PCDH7: variants seen among roughly 807,000 people sequenced by gnomAD.
PCDH7 encodes protocadherin 7.
In PCDH7, 17 loss-of-function variants were observed where a neutral mutation model predicts 58.9. The ratio of observed to expected loss-of-function variants is 0.29; its 90% CI spans 0.20 to 0.43. PCDH7 has a LOEUF of 0.43. Ranked by LOEUF, PCDH7 falls within the 20% of genes least tolerant of loss-of-function variation. PCDH7 has a pLI of 1.00. For synonymous variants in PCDH7, 664 were observed against 616.4 expected, an observed-to-expected ratio of 1.08 and a Z score of -1.14; for missense variants, 1,274 against 1,441.0, an observed-to-expected ratio of 0.88 and a Z score of 1.88.
At chr4:31,033,726 A>G (rs554477347) in intron 3 of PCDH7, among the ~76,000 whole-genome samples, 3 of 151,976 alleles carry the variant, frequency 2.0e-5, no homozygotes, top group Non-Finnish European at 4.4e-5. Flanking sequence ...TGCTTCCTAA[A>G]TTTCTCACCT....
chr4:30,847,625 CT>C (rs942315707), intron 1 of PCDH7, among the ~76,000 whole-genome samples: 31 of 151,986 alleles, frequency 2.0e-4, no homozygotes, highest in African/African-American at 6.0e-4. Context: ...TTTAGTGAAA[CT>C]TTTTTTTAAA....
At chr4:30,894,516 TACAC>T (rs55942705) in intron 1 of PCDH7, among the ~76,000 whole-genome samples, 932 of 31,998 alleles carry the variant, frequency 0.029, 33 homozygotes, top group African/African-American at 0.083. Context: ...TATATATATA[TACAC>T]ACACACACAC....
Position 31,115,770 on chromosome 4 carries a change from T to C in PCDH7, c.*8-26703T>C, listed in dbSNP as rs141589700. On this transcript the variant is annotated intron_variant, in intron 3 of 3. Transcript: ENST00000509759. ...GAATTTTAAAACATTTTAACAGAAGTAATTGGATCTCACACAACAGAAAAT... is the reference window on the plus strand; with the variant it reads ...GAATTTTAAAACATTTTAACAGAAGCAATTGGATCTCACACAACAGAAAAT... Among the ~76,000 whole-genome samples, 815 of 152,294 alleles carry C rather than the reference T, an allele frequency of 5.4e-3. 8 individuals are homozygous for C. The highest frequency in any genetic ancestry group is 0.018 in the African/African-American group (762 of 41,568).
At chr4:30,773,078 A>G (rs1247028270) in intron 1 of PCDH7, among the ~76,000 whole-genome samples, 1 of 152,094 alleles carries the variant, frequency 6.6e-6, no homozygotes, top group East Asian at 1.9e-4. Context: ...TAATTTTTGA[A>G]TGTTTGTAGA....
intron 1 of PCDH7, among the ~76,000 whole-genome samples, chr4:30,913,524 A>T (rs1742046250): frequency 6.6e-6 from 1 of 152,108 alleles, no homozygotes; most frequent in Non-Finnish European, 1.5e-5. Context: ...TTTTGAAAAA[A>T]AGGTACAGTT....
At chr4:31,083,040 G>A (rs1711781516) in intron 3 of PCDH7, among the ~76,000 whole-genome samples, 1 of 152,090 alleles carries the variant, frequency 6.6e-6, no homozygotes, top group Non-Finnish European at 1.5e-5. Context: ...CCTGGGAGGT[G>A]GAGCTTGCAA....
chr4:30,818,104 T>G (rs1727922057), intron 1 of PCDH7, among the ~76,000 whole-genome samples: 1 of 152,146 alleles, frequency 6.6e-6, no homozygotes, highest in African/African-American at 2.4e-5. Context: ...TCTTCCAAAT[T>G]TCCTCAGAGC....
chr4:30,956,190 G>A (rs1036876520), intron 3 of PCDH7, among the ~76,000 whole-genome samples: 13 of 151,478 alleles, frequency 8.6e-5, no homozygotes, highest in Admixed American at 3.3e-4. Flanking sequence ...CTCCAGCCTG[G>A]GCACTCCAGC....
At chr4:31,138,891 G>A (rs2109345317) in intron 3 of PCDH7, among the ~76,000 whole-genome samples, 1 of 151,496 alleles carries the variant, frequency 6.6e-6, no homozygotes, top group Admixed American at 6.6e-5. Flanking sequence ...CAGGAGAATC[G>A]CTTGAGCCTG....
intron 1 of PCDH7, chr4:30,884,660 A>G (rs75081340): frequency 1.1e-4 from 16 of 152,112 alleles, no homozygotes; most frequent in African/African-American, 3.9e-4. Flanking sequence ...CATGTGACGT[A>G]TGGGAATAAC....
intron 3 of PCDH7, among the ~76,000 whole-genome samples, chr4:31,000,109 A>G (rs1468575820): frequency 6.6e-6 from 1 of 152,102 alleles, no homozygotes; most frequent in Non-Finnish European, 1.5e-5. Context: ...TATTGAACAA[A>G]ATTATGTGCT....
intron 3 of PCDH7, among the ~76,000 whole-genome samples, chr4:30,967,144 A>G (rs545754546): frequency 1.3e-5 from 2 of 152,180 alleles, no homozygotes; most frequent in South Asian, 2.1e-4. Context: ...TTAAATCCAT[A>G]TAAGAATTGT....
chr4:30,769,145 T>A (rs1317479113), intron 1 of PCDH7, among the ~76,000 whole-genome samples: 1 of 152,212 alleles, frequency 6.6e-6, no homozygotes, highest in Non-Finnish European at 1.5e-5. Context: ...TGGATCTAGT[T>A]AAGTGTAGAT....
intron 1 of PCDH7, among the ~76,000 whole-genome samples, chr4:30,778,458 C>A (rs1722355390): frequency 6.6e-6 from 1 of 151,614 alleles, no homozygotes; most frequent in South Asian, 2.1e-4. Flanking sequence ...GGAAACATAC[C>A]CCCAAAATTT....
At chr4:30,952,973 C>A (rs1747514573) in intron 3 of PCDH7, among the ~76,000 whole-genome samples, 1 of 152,156 alleles carries the variant, frequency 6.6e-6, no homozygotes, top group Non-Finnish European at 1.5e-5. Flanking sequence ...ATAAAAGTAT[C>A]ACCTTATATC....
intron 2 of PCDH7, among the ~76,000 whole-genome samples, chr4:30,929,723 A>G (rs1432310766): frequency 6.6e-6 from 1 of 152,128 alleles, no homozygotes; most frequent in Non-Finnish European, 1.5e-5. Flanking sequence ...CTGATCCTCA[A>G]TGCTTAGCGT....
intron 3 of PCDH7, among the ~76,000 whole-genome samples, chr4:31,003,494 G>A (rs1194482549): frequency 2.6e-5 from 4 of 151,324 alleles, no homozygotes; most frequent in Non-Finnish European, 5.9e-5. Flanking sequence ...TTGGGATTTT[G>A]TTTTGGATTT....
intron 1 of PCDH7, among the ~76,000 whole-genome samples, chr4:30,891,834 T>A (rs887866426): frequency 1.7e-4 from 26 of 151,912 alleles, no homozygotes; most frequent in African/African-American, 6.3e-4. Context: ...TTGTATAAGT[T>A]ACTCCAGAAA....
chr4:30,992,632 C>T (rs1751547233), intron 3 of PCDH7, among the ~76,000 whole-genome samples: 1 of 151,916 alleles, frequency 6.6e-6, no homozygotes, highest in African/African-American at 2.4e-5. Context: ...TTATAAATCA[C>T]AAGAGTTAGC....
Sources: gnomAD v4.1 joint callset for allele counts (sites outside exome capture counted in the v4.1 genomes callset) on GRCh38, gnomAD v4.1.1 for gene constraint, MANE v1.5 for transcripts, NCBI Gene and HGNC (gene_info 2026-07-23, HGNC 2026-07-21) for gene names.